The following DOCK1 variants were observed in gnomAD, a reference collection of about 807,000 sequenced individuals.
DOCK1 encodes the protein dedicator of cytokinesis protein 1.
In DOCK1, 138 loss-of-function variants were observed where a neutral mutation model predicts 262.7. That is an observed-to-expected ratio of 0.53 (90% CI 0.46 to 0.61). The LOEUF (loss-of-function observed/expected upper bound fraction) is 0.61. DOCK1 is among the 20% of genes least tolerant of loss of function. DOCK1 has a pLI of 0.00. For synonymous variants in DOCK1, 866 were observed against 867.4 expected (o/e 1.00, Z 0.03); for missense variants, 1,908 against 2,370.7 (o/e 0.80, Z 4.05).
chr10:127,180,311 T>C (rs763234528), intron 27 of DOCK1, among the ~76,000 whole-genome samples: 9 of 152,238 alleles, frequency 5.9e-5, no homozygotes, highest in Non-Finnish European at 1.2e-4. Flanking sequence ...GGATTCTTCA[T>C]GATGGCTTGC....
chr10:127,236,686 A>G (rs539757589), intron 27 of DOCK1, among the ~76,000 whole-genome samples: 3 of 151,764 alleles, frequency 2.0e-5, no homozygotes, highest in East Asian at 1.9e-4. Context: ...TTTAGGTCTT[A>G]TTTGACTCCC....
At chr10:127,109,008 A>G (rs1312951784) in intron 24 of DOCK1, among the ~76,000 whole-genome samples, 1 of 152,228 alleles carries the variant, frequency 6.6e-6, no homozygotes, top group East Asian at 1.9e-4. Flanking sequence ...TTTAAAAAAA[A>G]TATATTATAA....
intron 1 of DOCK1, among the ~76,000 whole-genome samples, chr10:126,916,247 G>A (rs763050530): frequency 6.6e-6 from 1 of 152,198 alleles, no homozygotes; most frequent in African/African-American, 2.4e-5. Context: ...GAAGAGCTTT[G>A]AGAAGAGAAA....
chr10:127,154,716 G>A lies in DOCK1; in HGVS notation c.2847+26952G>A, dbSNP rs182417618. ...TCAGTTCTGTCAGACCCCTGAGGCCGGGCAGATTTTGGCCTTTGTAGGGGA... is the reference window on the plus strand; with the variant it reads ...TCAGTTCTGTCAGACCCCTGAGGCCAGGCAGATTTTGGCCTTTGTAGGGGA... On this transcript the variant is annotated intron_variant, in intron 27 of 51. Transcript: ENST00000623213. Among the ~76,000 whole-genome samples, 323 of 152,148 alleles carry A rather than the reference G, an allele frequency of 2.1e-3. 2 individuals are homozygous for A. Among genetic ancestry groups the A allele is most frequent in the Middle Eastern group, 6.8e-3 (2 of 294 alleles).
chr10:127,056,667 G>A (rs1471715892), intron 22 of DOCK1, among the ~76,000 whole-genome samples: 4 of 151,586 alleles, frequency 2.6e-5, no homozygotes, highest in African/African-American at 9.7e-5. Flanking sequence ...GAGTGTATGA[G>A]CCCCAAGTGT....
At chr10:127,236,150 TTA>T (rs2059041497) in intron 27 of DOCK1, among the ~76,000 whole-genome samples, 1 of 152,216 alleles carries the variant, frequency 6.6e-6, no homozygotes, top group Admixed American at 6.5e-5. Context: ...TTTTAAAATT[TTA>T]TGTTTCATGC....
At chr10:127,031,951 G>T (rs190658446) in intron 17 of DOCK1, among the ~76,000 whole-genome samples, 186 bp from the exon 18 acceptor site, 2 of 152,228 alleles carry the variant, frequency 1.3e-5, no homozygotes, top group East Asian at 3.9e-4. Context: ...ATAACAATAG[G>T]TGCCATCTAA....
At chr10:127,155,167 G>A (rs1021511983) in intron 27 of DOCK1, among the ~76,000 whole-genome samples, 6 of 152,196 alleles carry the variant, frequency 3.9e-5, no homozygotes, top group Admixed American at 1.3e-4. Flanking sequence ...AACATTGCTA[G>A]TCAGTACTTT....
intron 29 of DOCK1, among the ~76,000 whole-genome samples, chr10:127,281,455 G>A (rs1448610051): frequency 6.6e-6 from 1 of 152,136 alleles, no homozygotes; most frequent in Non-Finnish European, 1.5e-5. Context: ...TGACCTTCCT[G>A]GAAGAACTCA....
intron 22 of DOCK1, 54 bp from the exon 23 acceptor site, chr10:127,061,614 A>G: frequency 1.3e-6 from 2 of 1,481,710 alleles, no homozygotes; most frequent in Non-Finnish European, 1.8e-6. Flanking sequence ...CATGGATTCA[A>G]AAAATGTTGA....
At chr10:127,107,202 C>T (rs1040503925) in intron 24 of DOCK1, among the ~76,000 whole-genome samples, 1 of 152,132 alleles carries the variant, frequency 6.6e-6, no homozygotes, top group Non-Finnish European at 1.5e-5. Context: ...TGATTTGACA[C>T]AATAAACTAC....
intron 49 of DOCK1, among the ~76,000 whole-genome samples, chr10:127,443,308 G>A (rs1461508817): frequency 1.0e-5 from 1 of 96,986 alleles, no homozygotes; most frequent in East Asian, 3.7e-4. Flanking sequence ...ATTCAGCCAA[G>A]AGACCAATTA....
At chr10:126,908,262 T>C (rs1456592132) in intron 1 of DOCK1, among the ~76,000 whole-genome samples, 3 of 152,168 alleles carry the variant, frequency 2.0e-5, no homozygotes, top group Non-Finnish European at 4.4e-5. Flanking sequence ...GGTGCTGGGA[T>C]GTAGGGATTT....
At chr10:127,241,047 G>T (rs2059244974) in intron 27 of DOCK1, among the ~76,000 whole-genome samples, 1 of 152,156 alleles carries the variant, frequency 6.6e-6, no homozygotes, top group Admixed American at 6.5e-5. Flanking sequence ...TCTTTGGCTG[G>T]GCGCGGTGGC....
chr10:127,401,706 T>G (rs1390766525), intron 38 of DOCK1, among the ~76,000 whole-genome samples: 2 of 148,300 alleles, frequency 1.3e-5, no homozygotes, highest in African/African-American at 5.0e-5. Flanking sequence ...CTGTGACCAA[T>G]TATTATTTTA....
chr10:127,339,022 A>G lies in DOCK1; in HGVS notation c.3061A>G (p.Ile1021Val), dbSNP rs1241104323. 2.5e-6 allele frequency: 4 copies of G among 1,581,684 alleles called. No individual in the cohort carries two copies. The highest frequency in any genetic ancestry group is 3.4e-6 in the Non-Finnish European group (4 of 1,163,276). Residue 1021 changes from isoleucine to valine, a missense_variant, in exon 30 of 52, where the codon ATT becomes GTT. This residue lies in a region of DOCK1 where 518 missense variants were observed against 575.1 expected (regional missense o/e 0.90). Coordinates refer to ENST00000623213, the MANE Select transcript of DOCK1 (RefSeq NM_001290223.2). ...MVQNKVFLRA[I>V]NQYADMLNKK... ...ATCTTTCAGAGTCTTCCTGCGAGCA[A>G]TTAATCAGTATGCAGATATGCTGAA...
intron 46 of DOCK1, among the ~76,000 whole-genome samples, chr10:127,421,020 G>A (rs943240719): frequency 6.6e-6 from 1 of 151,824 alleles, no homozygotes; most frequent in Non-Finnish European, 1.5e-5. Context: ...GGGTTCAAGT[G>A]ATTCTCCTGC....
At position 127,175,368 on chromosome 10, in the gene DOCK1, C is replaced by T; in HGVS notation, c.2847+47604C>T. 6.2e-7 allele frequency: 1 copy of T among 1,614,070 alleles called. No homozygotes were observed. The highest frequency in any genetic ancestry group is 8.5e-7 in the Non-Finnish European group (1 of 1,180,042). Reference sequence around the variant, plus strand: ...AGGCACGATTCGTTGGCATTCTTCACCTGCAGCAACCGCTGTGGGACTAGG... The same window carrying T: ...AGGCACGATTCGTTGGCATTCTTCATCTGCAGCAACCGCTGTGGGACTAGG... On this transcript the variant is annotated intron_variant, in intron 27 of 51. Transcript: ENST00000623213. This position sits in a 1 kb window ranked among gnomAD's most constrained non-coding sequence, Gnocchi z 6.3.
chr10:127,093,666 TC>T (rs917417777), intron 23 of DOCK1, among the ~76,000 whole-genome samples: 3 of 151,930 alleles, frequency 2.0e-5, no homozygotes, highest in Admixed American at 1.3e-4. Flanking sequence ...TTTTTTTTTT[TC>T]TTATAAAGAT....
Sources: allele counts gnomAD v4.1 joint callset (sites outside exome capture counted in the v4.1 genomes callset), GRCh38; gene constraint gnomAD v4.1.1; regional missense constraint gnomAD v4.1.1; non-coding constraint Gnocchi (gnomAD v3.1); transcripts MANE v1.5; gene names NCBI Gene and HGNC (gene_info 2026-07-23, HGNC 2026-07-21).